The following BMAL2 variants were observed in gnomAD, a reference collection of about 807,000 sequenced individuals.
The protein encoded by BMAL2 is basic helix-loop-helix ARNT-like protein 2.
the BMAL2 span, among the ~76,000 whole-genome samples, chr12:27,346,050 G>C: frequency 6.6e-6 from 1 of 152,198 alleles, no homozygotes; most frequent in Admixed American, 6.5e-5. Flanking sequence ...GAGACAATGT[G>C]TGAACAAATG....
the BMAL2 span, among the ~76,000 whole-genome samples, chr12:27,357,602 A>G: frequency 1.3e-5 from 2 of 152,176 alleles, no homozygotes; most frequent in African/African-American, 4.8e-5. Context: ...GCATCACATT[A>G]CCTGACTTCA....
At chr12:27,392,347 C>T in the BMAL2 span, among the ~76,000 whole-genome samples, 1 of 152,168 alleles carries the variant, frequency 6.6e-6, no homozygotes, top group Non-Finnish European at 1.5e-5. Flanking sequence ...AAATAGTCCA[C>T]CTAAACTCTT....
chr12:27,381,291 C>A, the BMAL2 span, among the ~76,000 whole-genome samples: 2 of 152,080 alleles, frequency 1.3e-5, no homozygotes, highest in East Asian at 3.8e-4. Context: ...GTGTATTAGT[C>A]CATTCTTGCA....
the BMAL2 span, among the ~76,000 whole-genome samples, chr12:27,372,230 CAA>C: frequency 1.6e-5 from 2 of 124,818 alleles, no homozygotes; most frequent in Non-Finnish European, 1.6e-5. Flanking sequence ...GACTCTATCT[CAA>C]AAAAAAAAAA....
At chr12:27,365,304 A>G in the BMAL2 span, among the ~76,000 whole-genome samples, 4 of 151,968 alleles carry the variant, frequency 2.6e-5, no homozygotes, top group African/African-American at 4.8e-5. Flanking sequence ...ATATGAAGGC[A>G]CTCCTGCATC....
At chr12:27,340,337 G>A in the BMAL2 span, among the ~76,000 whole-genome samples, 5 of 152,160 alleles carry the variant, frequency 3.3e-5, no homozygotes, top group Admixed American at 1.3e-4. Flanking sequence ...AGTTATCCCA[G>A]CACCATTTAT....
chr12:27,344,550 C>G, the BMAL2 span, among the ~76,000 whole-genome samples: 4 of 152,296 alleles, frequency 2.6e-5, no homozygotes, highest in Admixed American at 1.3e-4. Flanking sequence ...CAGACGGACC[C>G]TGCTGTTCAC....
the BMAL2 span, among the ~76,000 whole-genome samples, chr12:27,344,506 C>T: frequency 6.6e-6 from 1 of 152,158 alleles, no homozygotes; most frequent in Non-Finnish European, 1.5e-5. Context: ...ACCCACAGAG[C>T]AGGTTGTCAG....
chr12:27,405,138 A>T, the BMAL2 span, among the ~76,000 whole-genome samples: 24 of 152,120 alleles, frequency 1.6e-4, 1 homozygote, highest in South Asian at 4.3e-3. Flanking sequence ...AGCTCAAGGA[A>T]GCCTGCCTGC....
the BMAL2 span, among the ~76,000 whole-genome samples, chr12:27,334,491 G>C: frequency 6.6e-6 from 1 of 152,202 alleles, no homozygotes; most frequent in Non-Finnish European, 1.5e-5. Flanking sequence ...TTTGCTTTGT[G>C]AAATTGGTGA....
At chr12:27,356,663 G>GT in the BMAL2 span, among the ~76,000 whole-genome samples, 1 of 152,152 alleles carries the variant, frequency 6.6e-6, no homozygotes, top group African/African-American at 2.4e-5. Context: ...TATTATGTGT[G>GT]TTTTTTATCT....
the BMAL2 span, among the ~76,000 whole-genome samples, chr12:27,387,856 G>A: frequency 6.6e-6 from 1 of 152,266 alleles, no homozygotes; most frequent in Non-Finnish European, 1.5e-5. Context: ...ACCCAAGTAA[G>A]TGAATAAACT....
chr12:27,399,575 T>G, the BMAL2 span, among the ~76,000 whole-genome samples: 2 of 152,246 alleles, frequency 1.3e-5, no homozygotes, highest in Non-Finnish European at 2.9e-5. Flanking sequence ...TCTAAATCTT[T>G]GCTATTATTG....
the BMAL2 span, among the ~76,000 whole-genome samples, chr12:27,355,502 T>C: frequency 6.6e-6 from 1 of 152,240 alleles, no homozygotes; most frequent in African/African-American, 2.4e-5. Flanking sequence ...CAGCTCCTTC[T>C]GTGTGTCTCT....
the BMAL2 span, among the ~76,000 whole-genome samples, chr12:27,354,878 G>T: frequency 1.3e-5 from 2 of 152,032 alleles, no homozygotes; most frequent in Non-Finnish European, 2.9e-5. Context: ...CTTCTGTAAG[G>T]CACCTTTGCC....
At chr12:27,342,332 C>G in the BMAL2 span, among the ~76,000 whole-genome samples, 1 of 152,166 alleles carries the variant, frequency 6.6e-6, no homozygotes, top group Non-Finnish European at 1.5e-5. Flanking sequence ...TACATTGTCT[C>G]TTATTTAGAA....
the BMAL2 span, among the ~76,000 whole-genome samples, chr12:27,373,999 T>A: frequency 6.6e-6 from 1 of 152,218 alleles, no homozygotes; most frequent in African/African-American, 2.4e-5. Flanking sequence ...ATGAATTGTT[T>A]GACTAAGAAG....
At chr12:27,341,305 T>C in the BMAL2 span, among the ~76,000 whole-genome samples, 1 of 152,232 alleles carries the variant, frequency 6.6e-6, no homozygotes, top group African/African-American at 2.4e-5. Flanking sequence ...ACCTATTTTG[T>C]TGAGGGTTTT....
the BMAL2 span, among the ~76,000 whole-genome samples, chr12:27,365,700 G>T: frequency 2.0e-5 from 3 of 150,054 alleles, no homozygotes; most frequent in African/African-American, 4.9e-5. Context: ...AATTTCTAGG[G>T]CATCTCAATT....
Sources: allele counts gnomAD v4.1 joint callset (sites outside exome capture counted in the v4.1 genomes callset), GRCh38; gene constraint gnomAD v4.1.1; transcripts MANE v1.5; gene names NCBI Gene and HGNC (gene_info 2026-07-23, HGNC 2026-07-21).